RANBP2: variants seen among roughly 807,000 people sequenced by gnomAD.
RANBP2 encodes the protein RAN binding protein 2.
A neutral mutation model predicts 303.6 loss-of-function variants in RANBP2; 57 were observed. The observed-to-expected ratio is 0.19, with a 90% confidence interval of 0.15 to 0.23. The LOEUF (loss-of-function observed/expected upper bound fraction) is 0.23. RANBP2 is among the 10% of genes least tolerant of loss of function. The pLI is 1.00. For synonymous variants in RANBP2, 1,167 were observed against 1,301.5 expected (o/e 0.90, Z 2.23); for missense variants, 3,138 against 3,780.8 (o/e 0.83, Z 4.46).
chr2:109,742,126 A>G, the RANBP2 span, among the ~76,000 whole-genome samples: 1 of 69,958 alleles, frequency 1.4e-5, no homozygotes, highest in Non-Finnish European at 2.9e-5. Flanking sequence ...ATCTTAAAAA[A>G]TATACAAGAT....
At chr2:108,792,956 C>T in the RANBP2 span, among the ~76,000 whole-genome samples, 6 of 151,270 alleles carry the variant, frequency 4.0e-5, no homozygotes, top group Admixed American at 6.6e-5. Context: ...CCCAGTTACT[C>T]GGGAGGCTGA....
the RANBP2 span, among the ~76,000 whole-genome samples, chr2:109,654,482 A>G: frequency 6.6e-6 from 1 of 151,964 alleles, no homozygotes; most frequent in African/African-American, 2.4e-5. Context: ...TGAAGAAGCC[A>G]GCCCTTCTTC....
the RANBP2 span, among the ~76,000 whole-genome samples, chr2:109,763,789 A>T: frequency 2.1e-4 from 32 of 150,166 alleles, 2 homozygotes; most frequent in South Asian, 6.8e-3. Context: ...TTTAATCCCT[A>T]AGAACTTTTT....
At chr2:109,403,919 T>C in the RANBP2 span, among the ~76,000 whole-genome samples, 4 of 152,268 alleles carry the variant, frequency 2.6e-5, no homozygotes, top group East Asian at 5.8e-4. Flanking sequence ...AGTGAGGGCG[T>C]GCGTGCGGGC....
chr2:109,678,559 T>G, the RANBP2 span, among the ~76,000 whole-genome samples: 1,040 of 152,352 alleles, frequency 6.8e-3, 12 homozygotes, highest in African/African-American at 0.024. Flanking sequence ...TTGGATTCAT[T>G]GCCCATCTGT....
chr2:109,732,480 CTTT>C, the RANBP2 span, among the ~76,000 whole-genome samples: 5 of 138,254 alleles, frequency 3.6e-5, no homozygotes, highest in African/African-American at 2.7e-5. Flanking sequence ...ACACCTTCAT[CTTT>C]TTTTTTTTTT....
chr2:109,305,435 CCT>C, the RANBP2 span, among the ~76,000 whole-genome samples: 4 of 152,160 alleles, frequency 2.6e-5, no homozygotes, highest in Admixed American at 2.6e-4. Context: ...TTCCTATTTC[CCT>C]GTCTCCAGCC....
At chr2:109,313,914 G>A in the RANBP2 span, among the ~76,000 whole-genome samples, 1 of 152,194 alleles carries the variant, frequency 6.6e-6, no homozygotes, top group African/African-American at 2.4e-5. Flanking sequence ...GGTGTGTTGG[G>A]ACCCGTATGC....
intron 20 of RANBP2, among the ~76,000 whole-genome samples, chr2:108,769,982 T>C (rs1299729463): frequency 3.3e-5 from 5 of 152,220 alleles, no homozygotes; most frequent in Non-Finnish European, 5.9e-5. Context: ...ACCAGTTTTA[T>C]TACTAGCTAA....
the RANBP2 span, among the ~76,000 whole-genome samples, chr2:109,060,318 G>GGA: frequency 6.6e-6 from 1 of 152,176 alleles, no homozygotes; most frequent in African/African-American, 2.4e-5. Context: ...TCCTGGACTC[G>GGA]ATCTCCTGGA....
chr2:109,157,258 G>A, the RANBP2 span, among the ~76,000 whole-genome samples: 1 of 152,210 alleles, frequency 6.6e-6, no homozygotes, highest in Non-Finnish European at 1.5e-5. Context: ...TAAACTTGCA[G>A]TCAGGCCAGC....
chr2:108,930,257 G>A, the RANBP2 span: 2 of 1,613,940 alleles, frequency 1.2e-6, no homozygotes, highest in African/African-American at 1.3e-5. Flanking sequence ...CAACAAAGGG[G>A]GGTGTTGTGG....
chr2:109,614,181 T>C, the RANBP2 span: 129 of 1,159,962 alleles, frequency 1.1e-4, no homozygotes, highest in Non-Finnish European at 1.3e-4. Flanking sequence ...GGAGCAGTGA[T>C]TGCGGCCCTC....
At chr2:108,931,177 A>G in the RANBP2 span, 1 of 736,730 alleles carries the variant, frequency 1.4e-6, no homozygotes. Context: ...GCAGACATGA[A>G]GCTGAAGCTG....
At chr2:109,094,829 T>TCAAA in the RANBP2 span, among the ~76,000 whole-genome samples, 24 of 151,970 alleles carry the variant, frequency 1.6e-4, no homozygotes, top group South Asian at 4.2e-4. Context: ...AGTCTCCATC[T>TCAAA]CAAACAAACA....
intron 7 of RANBP2, among the ~76,000 whole-genome samples, chr2:108,742,467 C>G (rs1325354048): frequency 6.6e-6 from 1 of 151,900 alleles, no homozygotes; most frequent in Non-Finnish European, 1.5e-5. Flanking sequence ...CCATGCCTGG[C>G]TAATTTTTTG....
the RANBP2 span, among the ~76,000 whole-genome samples, chr2:108,932,372 C>A: frequency 6.6e-6 from 1 of 151,172 alleles, no homozygotes; most frequent in Non-Finnish European, 1.5e-5. Context: ...ACTAAAAATA[C>A]AAAAAAATTA....
At chr2:108,998,502 T>A in the RANBP2 span, among the ~76,000 whole-genome samples, 1 of 152,228 alleles carries the variant, frequency 6.6e-6, no homozygotes, top group Non-Finnish European at 1.5e-5. Context: ...GTTTCCTGAA[T>A]CAGCCAGGAC....
chr2:108,828,871 G>A, the RANBP2 span, among the ~76,000 whole-genome samples: 2 of 152,048 alleles, frequency 1.3e-5, no homozygotes, highest in African/African-American at 2.4e-5. Context: ...CCAGGTACTC[G>A]AGATGCTGAG....
Sources: allele counts gnomAD v4.1 joint callset (sites outside exome capture counted in the v4.1 genomes callset), GRCh38; gene constraint gnomAD v4.1.1; transcripts MANE v1.5; gene names NCBI Gene and HGNC (gene_info 2026-07-23, HGNC 2026-07-21).